Variants in PEAK1 observed in about 807,000 individuals in gnomAD.
PEAK1 encodes the protein inactive tyrosine-protein kinase PEAK1.
PEAK1 carries 54 observed loss-of-function variants against 124.7 expected under a neutral mutation model. The observed-to-expected ratio is 0.43, with a 90% confidence interval of 0.35 to 0.54. PEAK1 has a LOEUF of 0.54. PEAK1 is among the 20% of genes least tolerant of loss of function. The probability of loss-of-function intolerance (pLI) is 0.01; values close to 1 mark genes in which losing one functional copy is unlikely to be tolerated. For missense variants in PEAK1, 2,046 were observed against 2,134.5 expected (o/e 0.96, Z 0.82); for synonymous variants, 719 against 760.0 (o/e 0.95, Z 0.89).
intron 5 of PEAK1, among the ~76,000 whole-genome samples, chr15:77,261,762 C>T (rs2061454531): frequency 6.6e-6 from 1 of 152,140 alleles, no homozygotes; most frequent in African/African-American, 2.4e-5. Context: ...CAGAGAACGT[C>T]ATAAAGATAC....
chr15:77,136,580 C>T (rs374122577), intron 8 of PEAK1, among the ~76,000 whole-genome samples: 23 of 152,146 alleles, frequency 1.5e-4, no homozygotes, highest in African/African-American at 4.3e-4. Flanking sequence ...CCAGGAGAAT[C>T]GCTTGAACCT....
At chr15:77,326,170 C>T (rs1040183245) in intron 2 of PEAK1, among the ~76,000 whole-genome samples, 3 of 152,054 alleles carry the variant, frequency 2.0e-5, no homozygotes, top group Non-Finnish European at 4.4e-5. Flanking sequence ...CTTCCCCCTC[C>T]TGCTACTCCC....
rs116673855 is a variant in PEAK1 at position 77,125,740 on chromosome 15, C to T, written c.4077+7265G>A. On this transcript the variant is annotated intron_variant, in intron 9 of 9. Transcript: ENST00000682557. The stretch of plus-strand genomic sequence containing the variant: ...TTGTTAACAGTCCTCACATTTTGTA[C>T]CTAGGCACCGCTTGGGGTACTTGCT... Among the ~76,000 whole-genome samples the T allele has an allele frequency of 4.9e-3, 742 of 152,316 alleles. 14 individuals are homozygous for T. Among genetic ancestry groups the T allele is most frequent in the African/African-American group, 0.017 (706 of 41,562 alleles).
intron 1 of PEAK1, chr15:77,371,537 CCAT>C (rs1400033120): frequency 1.1e-5 from 4 of 377,284 alleles, no homozygotes; most frequent in Non-Finnish European, 1.4e-5. Flanking sequence ...ACCACCACCA[CCAT>C]CATCATCATG....
intron 8 of PEAK1, among the ~76,000 whole-genome samples, chr15:77,140,643 T>C (rs1332544688): frequency 6.6e-6 from 1 of 152,124 alleles, no homozygotes; most frequent in Non-Finnish European, 1.5e-5. Flanking sequence ...AACATCATAC[T>C]TAATGATAAA....
intron 2 of PEAK1, among the ~76,000 whole-genome samples, chr15:77,303,965 A>C (rs576085627): frequency 6.6e-6 from 1 of 152,324 alleles, no homozygotes; most frequent in East Asian, 1.9e-4. Flanking sequence ...CATTTATTGA[A>C]AATGTCATCT....
intron 8 of PEAK1, among the ~76,000 whole-genome samples, chr15:77,143,278 C>T (rs527478707): frequency 7.1e-4 from 108 of 152,310 alleles, no homozygotes; most frequent in African/African-American, 2.5e-3. Flanking sequence ...TGAAGCACCA[C>T]GGAGAAGGTT....
intron 5 of PEAK1, among the ~76,000 whole-genome samples, chr15:77,266,636 G>A (rs112972796): frequency 0.017 from 2,546 of 152,208 alleles, 35 homozygotes; most frequent in Middle Eastern, 0.027. Context: ...AATGAGAAAA[G>A]ACAATCAATG....
chr15:77,182,677 G>A, intron 6 of PEAK1, among the ~76,000 whole-genome samples: 1 of 147,414 alleles, frequency 6.8e-6, no homozygotes, highest in Non-Finnish European at 1.5e-5. Context: ...GTTTGAGCCT[G>A]GGAGGTGGAG....
intron 5 of PEAK1, among the ~76,000 whole-genome samples, chr15:77,276,123 A>G (rs1353799376): frequency 1.3e-5 from 2 of 152,216 alleles, no homozygotes; most frequent in African/African-American, 4.8e-5. Context: ...ATAATAAAAG[A>G]TGAATATTCA....
intron 2 of PEAK1, chr15:77,345,996 T>G (rs1264289576): frequency 1.0e-6 from 1 of 985,260 alleles, no homozygotes; most frequent in Non-Finnish European, 1.2e-6. Flanking sequence ...AATAAATTAA[T>G]ACCTGGGGAA....
chr15:77,223,886 A>ATTTTTTTTTTTTTTTTT (rs10719377), intron 6 of PEAK1, among the ~76,000 whole-genome samples: 22 of 121,560 alleles, frequency 1.8e-4, no homozygotes, highest in Non-Finnish European at 2.8e-4. Context: ...CATTTGAGAG[A>ATTTTTTTTTTTTTTTTT]TTTTTTTTTT....
Position 77,127,089 on chromosome 15 carries a change from G to A in PEAK1, c.4077+5916C>T, listed in dbSNP as rs1213986039. ...GTGGGGCCATGATGTGACAGGATTA[G>A]TGTCCTTCTAAGAACAGACACTGGG... On this transcript the variant is annotated intron_variant, in intron 9 of 9. Coordinates refer to ENST00000682557, the MANE Select transcript of PEAK1 (RefSeq NM_001385026.1). Among the ~76,000 whole-genome samples, 3 of 152,148 alleles carry A rather than the reference G, an allele frequency of 2.0e-5. No individual in the cohort carries two copies. In the East Asian group the frequency reaches 5.8e-4, roughly 29 times the overall value.
intron 1 of PEAK1, among the ~76,000 whole-genome samples, chr15:77,378,421 G>A (rs1340968652): frequency 6.6e-6 from 1 of 151,886 alleles, no homozygotes; most frequent in African/African-American, 2.4e-5. Context: ...TACAGAGTAC[G>A]GAATTCAATA....
chr15:77,403,219 G>A, intron 1 of PEAK1: 3 of 985,316 alleles, frequency 3.0e-6, no homozygotes, highest in Non-Finnish European at 3.6e-6. Flanking sequence ...ACTGCTGATT[G>A]GGTATGGTGA....
rs145451660 is a variant in PEAK1 at position 77,268,131 on chromosome 15, C to T, written c.-274-15605G>A. On this transcript the variant is annotated intron_variant, in intron 5 of 9. Coordinates refer to ENST00000682557, the MANE Select transcript of PEAK1 (RefSeq NM_001385026.1). The stretch of plus-strand genomic sequence containing the variant: ...AAGAATATCAAGTTTGCAGACAAGG[C>T]TTTCGAATTAACCCAATCTGATAAA... Among the ~76,000 whole-genome samples, 801 of 152,156 alleles carry T rather than the reference C, an allele frequency of 5.3e-3. 5 individuals are homozygous for T. Among genetic ancestry groups the T allele is most frequent in the African/African-American group, 0.018 (740 of 41,528 alleles).
At position 77,118,414 on chromosome 15, in the gene PEAK1, C is replaced by A. The variant is rs895816214; in HGVS notation, c.4078-3095G>T. On this transcript the variant is annotated intron_variant, in intron 9 of 9. Transcript: ENST00000682557. ...AGCCATTTTTCAAATATTAATAACT[C>A]CTTTAGTTAAAAAAAAAACCTCAAA... is the stretch of plus-strand genomic sequence containing the variant. Among the ~76,000 whole-genome samples the A allele has an allele frequency of 2.0e-5, 3 of 151,922 alleles. No individual in the cohort carries two copies. In the East Asian group the frequency reaches 5.8e-4, roughly 29 times the overall value.
Position 77,114,656 on chromosome 15 carries a change from T to G in PEAK1, c.4741A>C (p.Ile1581Leu). The change falls in exon 10 of 10, where the codon ATC becomes CTC. Residue 1581 changes from isoleucine (I) to leucine (L), a missense_variant. Coordinates refer to ENST00000682557, the MANE Select transcript of PEAK1 (RefSeq NM_001385026.1). ...TTTTTATACTGGGTAGCTGTTATGA[T>G]CTCTGGGGCAAGGCGAGACTGGTCC... ...LRDQSRLAPE[I>L]ITATQYKKCD... 6.2e-7 allele frequency: 1 copy of G among 1,613,768 alleles called. No homozygotes were observed. Among genetic ancestry groups the G allele is most frequent in the Non-Finnish European group, 8.5e-7 (1 of 1,179,960 alleles).
intron 6 of PEAK1, among the ~76,000 whole-genome samples, chr15:77,244,430 T>C (rs759354691): frequency 2.6e-5 from 4 of 152,276 alleles, no homozygotes; most frequent in Non-Finnish European, 4.4e-5. Flanking sequence ...CAGCCTTTAC[T>C]TCCCTTCTGC....
Sources: allele counts gnomAD v4.1 joint callset (sites outside exome capture counted in the v4.1 genomes callset), GRCh38; gene constraint gnomAD v4.1.1; transcripts MANE v1.5; gene names NCBI Gene and HGNC (gene_info 2026-07-23, HGNC 2026-07-21).